Variants in JAZF1 observed in about 807,000 individuals in gnomAD.
JAZF1 encodes juxtaposed with another zinc finger protein 1.
A neutral mutation model predicts 26.4 loss-of-function variants in JAZF1; 8 were observed. The observed-to-expected ratio is 0.30, with a 90% CI of 0.18 to 0.55. The LOEUF (loss-of-function observed/expected upper bound fraction) is 0.55, where lower values mean the gene tolerates loss of function less well. Among genes scored for constraint, JAZF1 ranks in the 20% least tolerant of loss-of-function variants. The pLI is 0.94. For synonymous variants in JAZF1, 126 were observed against 122.3 expected, an observed-to-expected ratio of 1.03 and a Z score of -0.20; for missense variants, 199 against 322.0, an observed-to-expected ratio of 0.62 and a Z score of 2.92.
chr7:28,143,569 C>T (rs898844765), intron 1 of JAZF1, among the ~76,000 whole-genome samples: 11 of 152,242 alleles, frequency 7.2e-5, no homozygotes, highest in South Asian at 6.2e-4. Flanking sequence ...TCAGTATTCA[C>T]GGAAGGAATT....
chr7:27,972,107 G>C (rs576244988), intron 2 of JAZF1, among the ~76,000 whole-genome samples: 63 of 152,294 alleles, frequency 4.1e-4, no homozygotes, highest in African/African-American at 1.4e-3. Context: ...CCCCCATGGA[G>C]CCCAGATTCC....
chr7:28,168,923 C>T (rs1047280356), intron 1 of JAZF1, among the ~76,000 whole-genome samples: 2 of 152,240 alleles, frequency 1.3e-5, no homozygotes, highest in African/African-American at 2.4e-5. Flanking sequence ...AACACATAGG[C>T]TCTGACTCAG....
At chr7:27,858,882 G>A (rs970711322) in intron 3 of JAZF1, among the ~76,000 whole-genome samples, 3 of 152,154 alleles carry the variant, frequency 2.0e-5, no homozygotes, top group Non-Finnish European at 4.4e-5. Context: ...AGACAAATGG[G>A]ATCTAATTAA....
intron 1 of JAZF1, among the ~76,000 whole-genome samples, chr7:28,041,429 G>T (rs1009213544): frequency 6.6e-6 from 1 of 152,130 alleles, no homozygotes; most frequent in Non-Finnish European, 1.5e-5. Context: ...TTTTTAAAAG[G>T]TATGGGAAAA....
intron 3 of JAZF1, among the ~76,000 whole-genome samples, chr7:27,891,672 T>C (rs1033592678): frequency 6.6e-6 from 1 of 151,730 alleles, no homozygotes; most frequent in African/African-American, 2.4e-5. Flanking sequence ...ACAAAAAAAG[T>C]CAAAAAATTA....
At chr7:28,120,498 G>GTT (rs1345204155) in intron 1 of JAZF1, among the ~76,000 whole-genome samples, 4 of 41,084 alleles carry the variant, frequency 9.7e-5, no homozygotes, top group African/African-American at 2.9e-4. Flanking sequence ...GCCACACACA[G>GTT]TTCTTTTTTT....
At chr7:27,920,184 T>G (rs976508906) in intron 2 of JAZF1, among the ~76,000 whole-genome samples, 6 of 152,234 alleles carry the variant, frequency 3.9e-5, no homozygotes, top group African/African-American at 1.2e-4. Context: ...ATTTGGCAAC[T>G]GATGCCTCTT....
At chr7:28,108,324 C>T (rs1206690940) in intron 1 of JAZF1, among the ~76,000 whole-genome samples, 2 of 152,146 alleles carry the variant, frequency 1.3e-5, no homozygotes, top group Non-Finnish European at 2.9e-5. Context: ...CATTCAGTCC[C>T]CAAGGTCACT....
At chr7:28,155,903 G>A (rs1187362156) in intron 1 of JAZF1, among the ~76,000 whole-genome samples, 7 of 152,170 alleles carry the variant, frequency 4.6e-5, no homozygotes, top group Non-Finnish European at 1.0e-4. Flanking sequence ...TCTGCTTTTT[G>A]ATCTGGAAAA....
chr7:27,872,589 C>G (rs1783602698), intron 3 of JAZF1, among the ~76,000 whole-genome samples: 1 of 152,184 alleles, frequency 6.6e-6, no homozygotes, highest in Non-Finnish European at 1.5e-5. Context: ...AGATTTCTCT[C>G]TCCACATGTT....
chr7:28,002,677 A>G (rs1043139164), intron 1 of JAZF1, among the ~76,000 whole-genome samples: 4 of 152,202 alleles, frequency 2.6e-5, no homozygotes, highest in Admixed American at 2.0e-4. Context: ...TGGTACATAG[A>G]AAATCTAAGA....
chr7:27,989,639 T>G (rs902508586), intron 2 of JAZF1, among the ~76,000 whole-genome samples: 9 of 152,186 alleles, frequency 5.9e-5, no homozygotes, highest in African/African-American at 2.2e-4. Flanking sequence ...GAACAGACGC[T>G]TCTCAAAAGA....
intron 1 of JAZF1, among the ~76,000 whole-genome samples, chr7:28,165,970 G>A (rs904894622): frequency 6.6e-6 from 1 of 152,046 alleles, no homozygotes; most frequent in African/African-American, 2.4e-5. Flanking sequence ...CATAAATTGG[G>A]TGTTTGAGAT....
rs374873437 is a variant in JAZF1 at position 27,987,474 on chromosome 7, G to A, written c.188+4435C>T. ...TTCCGCCTGGCAGCCGCCCCGTCCA[G>A]GAGGTTGGGGGCAGCCCCCACCCGG... On this transcript the variant is annotated intron_variant, in intron 2 of 4. Transcript: ENST00000283928. 4.8e-4 allele frequency among the ~76,000 whole-genome samples: 73 copies of A among 152,296 alleles called. 1 individual carries two copies. The East Asian group carries it at 0.014, about 29-fold the overall frequency.
At chr7:28,055,899 C>A (rs1415290084) in intron 1 of JAZF1, among the ~76,000 whole-genome samples, 2 of 152,200 alleles carry the variant, frequency 1.3e-5, no homozygotes, top group African/African-American at 2.4e-5. Context: ...TGTTAAGTAA[C>A]TTGTTTAAGG....
intron 1 of JAZF1, among the ~76,000 whole-genome samples, chr7:28,151,496 A>G (rs967684804): frequency 2.0e-5 from 3 of 151,984 alleles, no homozygotes; most frequent in East Asian, 3.9e-4. Flanking sequence ...ATTTTCTACA[A>G]TACTTTCAAA....
intron 1 of JAZF1, chr7:28,071,636 A>G (rs1415657410): frequency 2.1e-6 from 1 of 471,874 alleles, no homozygotes; most frequent in Non-Finnish European, 4.4e-6. Flanking sequence ...ACCCACATAC[A>G]GACCCAAGGA....
chr7:28,060,369 T>C (rs1371117646), intron 1 of JAZF1, among the ~76,000 whole-genome samples: 1 of 152,204 alleles, frequency 6.6e-6, no homozygotes, highest in Non-Finnish European at 1.5e-5. Context: ...TGTGTGTGTT[T>C]TGAGATTTTT....
Position 27,895,376 on chromosome 7 carries a change from T to G in JAZF1, c.229A>C (p.Lys77Gln). 2.5e-6 allele frequency: 4 copies of G among 1,607,240 alleles called. No homozygotes were observed. Among genetic ancestry groups the G allele is most frequent in the Non-Finnish European group, 3.4e-6 (4 of 1,176,920 alleles). The change falls in exon 3 of 5, where the codon AAG (lysine) becomes CAG (glutamine). Residue 77 changes from lysine (K) to glutamine (Q), a missense_variant. This residue lies in a region of JAZF1 where 137 missense variants were observed against 184.8 expected (regional missense o/e 0.74). Transcript: ENST00000283928. ...DAARREQESL[K>Q]KKIQPKLSLT... ...GAGAGCTTCGGCTGAATCTTCTTCT[T>G]TAGGGACTCCTGCTCTCGGCGGGCA...
Sources: allele counts gnomAD v4.1 joint callset (sites outside exome capture counted in the v4.1 genomes callset), GRCh38; gene constraint gnomAD v4.1.1; regional missense constraint gnomAD v4.1.1; transcripts MANE v1.5; gene names NCBI Gene and HGNC (gene_info 2026-07-23, HGNC 2026-07-21).